PRKAR2A: variants seen among roughly 807,000 people sequenced by gnomAD.
PRKAR2A encodes the protein protein kinase cAMP-dependent type II regulatory subunit alpha, also known as cAMP-dependent protein kinase type II-alpha regulatory subunit.
Under a neutral mutation model 51.9 loss-of-function variants are expected in PRKAR2A, and 29 were observed. The observed-to-expected ratio is 0.56, with a 90% CI of 0.42 to 0.76. The LOEUF (loss-of-function observed/expected upper bound fraction) is 0.76. Among genes scored for constraint, PRKAR2A ranks in the 30% least tolerant of loss-of-function variants. The pLI, the probability that PRKAR2A is intolerant of heterozygous loss-of-function variation, is 0.00. For missense variants in PRKAR2A, 445 were observed against 512.1 expected, an observed-to-expected ratio of 0.87 and a Z score of 1.26; for synonymous variants, 178 against 186.2, an observed-to-expected ratio of 0.96 and a Z score of 0.36.
intron 1 of PRKAR2A, among the ~76,000 whole-genome samples, chr3:48,829,590 A>ACACACACATAAATATATATGTGTG (rs1477522468): frequency 2.8e-5 from 1 of 35,648 alleles, no homozygotes; most frequent in East Asian, 6.5e-4. Context: ...ATGTGTGTAT[A>ACACACACATAAATATATATGTGTG]TATACACACA....
chr3:48,754,704 C>T (rs930130513), intron 9 of PRKAR2A, among the ~76,000 whole-genome samples: 3 of 151,322 alleles, frequency 2.0e-5, no homozygotes, highest in Admixed American at 6.6e-5. Context: ...AACCCAGGGA[C>T]GGAGGTTGCA....
At chr3:48,798,662 A>T (rs1418985906) in intron 2 of PRKAR2A, among the ~76,000 whole-genome samples, 1 of 145,032 alleles carries the variant, frequency 6.9e-6, no homozygotes, top group Non-Finnish European at 1.5e-5. Flanking sequence ...CTTCCTTTTT[A>T]ATTTTTTTTT....
At chr3:48,812,189 C>G (rs930273795) in intron 1 of PRKAR2A, among the ~76,000 whole-genome samples, 1 of 150,030 alleles carries the variant, frequency 6.7e-6, no homozygotes, top group Non-Finnish European at 1.5e-5. Context: ...TTAAGTACAA[C>G]GAAAATAGGA....
intron 1 of PRKAR2A, among the ~76,000 whole-genome samples, chr3:48,825,672 T>C (rs1357927918): frequency 6.6e-6 from 1 of 151,992 alleles, no homozygotes; most frequent in African/African-American, 2.4e-5. Flanking sequence ...AATTAAAAAA[T>C]AGACTGAAAG....
At chr3:48,783,416 A>G (rs556071426) in intron 4 of PRKAR2A, among the ~76,000 whole-genome samples, 1 of 152,236 alleles carries the variant, frequency 6.6e-6, no homozygotes, top group Non-Finnish European at 1.5e-5. Context: ...TGGCTCCACT[A>G]TGTCATGTGT....
At chr3:48,795,826 C>A (rs906251346) in intron 2 of PRKAR2A, among the ~76,000 whole-genome samples, 3 of 152,108 alleles carry the variant, frequency 2.0e-5, no homozygotes, top group African/African-American at 7.2e-5. Context: ...TGTGCCACCG[C>A]GCCTGACCTG....
chr3:48,755,713 T>G (rs1257602172), intron 9 of PRKAR2A, among the ~76,000 whole-genome samples: 1 of 150,416 alleles, frequency 6.6e-6, no homozygotes, highest in African/African-American at 2.4e-5. Flanking sequence ...GCTCAAGAGA[T>G]CCTCTTGCCT....
chr3:48,781,571 G>A (rs2082197669), intron 5 of PRKAR2A, among the ~76,000 whole-genome samples: 1 of 151,800 alleles, frequency 6.6e-6, no homozygotes, highest in African/African-American at 2.4e-5. Context: ...GGTGTGCAGT[G>A]GGGCGATCTC....
chr3:48,830,960 C>T (rs2083177673), intron 1 of PRKAR2A, among the ~76,000 whole-genome samples: 1 of 152,164 alleles, frequency 6.6e-6, no homozygotes, highest in Non-Finnish European at 1.5e-5. Context: ...GGCGGTAATA[C>T]AAGCAAGGGA....
intron 4 of PRKAR2A, among the ~76,000 whole-genome samples, chr3:48,783,908 G>A (rs1480501113): frequency 6.6e-6 from 1 of 151,958 alleles, no homozygotes; most frequent in Admixed American, 6.6e-5. Flanking sequence ...ATGTAAAAAG[G>A]GTATAACAAA....
intron 2 of PRKAR2A, among the ~76,000 whole-genome samples, chr3:48,801,974 A>G (rs1490527756): frequency 2.4e-4 from 36 of 152,176 alleles, no homozygotes; most frequent in African/African-American, 7.9e-4. Context: ...CAACAGTACG[A>G]TCTCGGTTCA....
At chr3:48,845,925 G>C (rs1353838455) in intron 1 of PRKAR2A, among the ~76,000 whole-genome samples, 1 of 151,506 alleles carries the variant, frequency 6.6e-6, no homozygotes, top group African/African-American at 2.4e-5. Flanking sequence ...CAGCCTGGGT[G>C]ACAGAGCGAG....
chr3:48,790,735 G>T (rs941764322), intron 3 of PRKAR2A, 108 bp from the exon 4 acceptor site: 51 of 646,276 alleles, frequency 7.9e-5, no homozygotes, highest in Non-Finnish European at 1.0e-4. Context: ...AAAGAGCATG[G>T]TTTCTGTTAT....
At chr3:48,764,976 A>G in intron 8 of PRKAR2A, 28 bp downstream of exon 8, 1 of 1,602,146 alleles carries the variant, frequency 6.2e-7, no homozygotes, top group South Asian at 1.1e-5. Context: ...GACTTCCAGG[A>G]AAGGAGCTGC....
chr3:48,821,268 T>C (rs2082955792), intron 1 of PRKAR2A, among the ~76,000 whole-genome samples: 1 of 152,232 alleles, frequency 6.6e-6, no homozygotes, highest in African/African-American at 2.4e-5. Flanking sequence ...ACACCAGCTA[T>C]CCAGACCTAA....
At position 48,847,223 on chromosome 3, in the gene PRKAR2A, C is replaced by T. The variant is rs771628635; in HGVS notation, c.262+112G>A. The T allele has an allele frequency of 8.1e-6, 11 of 1,363,422 alleles. No homozygotes were observed. The highest frequency in any genetic ancestry group is 1.1e-5 in the Non-Finnish European group (11 of 1,008,938). 84.5% of individuals were successfully genotyped at this position (1,363,422 alleles called of 1,614,324 possible). On this transcript the variant is annotated intron_variant, in intron 1 of 10. Coordinates refer to ENST00000265563, the MANE Select transcript of PRKAR2A (RefSeq NM_004157.4). This position sits in a 1 kb window ranked among gnomAD's most constrained non-coding sequence, Gnocchi z 4.4. ...GCTAGAAACGCGGCTACAGAGCTCCCAATCCCAGCCTGCGGTCGGCTTGGC... is the reference window on the plus strand; with the variant it reads ...GCTAGAAACGCGGCTACAGAGCTCCTAATCCCAGCCTGCGGTCGGCTTGGC...
In PRKAR2A at chr3:48,752,265, T is replaced by C. The variant is rs1387006; in HGVS notation, c.992A>G (p.His331Arg). The C allele has an allele frequency of 6.2e-7, 1 of 1,614,206 alleles. No homozygotes were observed. The highest frequency in any genetic ancestry group is 8.5e-7 in the Non-Finnish European group (1 of 1,180,038). Residue 331 changes from histidine (H) to arginine (R), a missense_variant, in exon 10 of 11, where the codon CAT becomes CGT. His to Arg is a conservative substitution (Grantham distance 29, BLOSUM62 0). Coordinates refer to ENST00000265563, the MANE Select transcript of PRKAR2A (RefSeq NM_004157.4). ...AAGCTCTCCAAAGTACTGCCCCTTA[T>C]GGCAGCGGGCAATCTCGACCTCCTG... ...GNQEVEIARC[H>R]KGQYFGELAL...
At chr3:48,795,224 C>T (rs1388227602) in intron 2 of PRKAR2A, among the ~76,000 whole-genome samples, 5 of 152,096 alleles carry the variant, frequency 3.3e-5, no homozygotes, top group Non-Finnish European at 5.9e-5. Flanking sequence ...CCACCCGCCT[C>T]GGCCTCCCAA....
intron 2 of PRKAR2A, among the ~76,000 whole-genome samples, chr3:48,796,742 G>A (rs535793838): frequency 6.8e-6 from 1 of 147,654 alleles, no homozygotes; most frequent in Non-Finnish European, 1.5e-5. Flanking sequence ...TGCCCATCTC[G>A]GCCTCCCAAA....
Sources: gnomAD v4.1 joint callset for allele counts (sites outside exome capture counted in the v4.1 genomes callset) on GRCh38, gnomAD v4.1.1 for gene constraint, Gnocchi (gnomAD v3.1) non-coding constraint, MANE v1.5 for transcripts, NCBI Gene and HGNC (gene_info 2026-07-23, HGNC 2026-07-21) for gene names.